The following CSMD3 variants were observed in gnomAD, a reference collection of about 807,000 sequenced individuals.
CSMD3 encodes CUB and sushi domain-containing protein 3.
In CSMD3, 177 loss-of-function variants were observed where a neutral mutation model predicts 435.2. The ratio of observed to expected loss-of-function variants is 0.41; its 90% CI spans 0.36 to 0.46. The LOEUF is 0.46. Among genes scored for constraint, CSMD3 ranks in the 20% least tolerant of loss-of-function variants. The pLI, the probability that CSMD3 is intolerant of heterozygous loss-of-function variation, is 0.34. For synonymous variants in CSMD3, 1,656 were observed against 1,520.5 expected (o/e 1.09, Z -2.07); for missense variants, 4,265 against 4,504.6 (o/e 0.95, Z 1.52).
chr8:113,033,308 G>A (rs2087199292), intron 5 of CSMD3, among the ~76,000 whole-genome samples: 1 of 151,614 alleles, frequency 6.6e-6, no homozygotes, highest in Admixed American at 6.6e-5. Flanking sequence ...GCAGCCGCAG[G>A]GGCTGTACCC....
chr8:113,290,531 G>A (rs2093679091), intron 2 of CSMD3, among the ~76,000 whole-genome samples: 1 of 151,590 alleles, frequency 6.6e-6, no homozygotes, highest in Admixed American at 6.6e-5. Flanking sequence ...ACTGCCCTCT[G>A]AGATGATTAT....
At chr8:112,896,733 C>G (rs924301771) in intron 10 of CSMD3, among the ~76,000 whole-genome samples, 1 of 151,456 alleles carries the variant, frequency 6.6e-6, no homozygotes, top group African/African-American at 2.4e-5. Flanking sequence ...TTCCATTACA[C>G]TTTCCACTTA....
intron 10 of CSMD3, among the ~76,000 whole-genome samples, chr8:112,896,845 C>T (rs1195331532): frequency 6.6e-6 from 1 of 151,498 alleles, no homozygotes; most frequent in African/African-American, 2.4e-5. Context: ...CTTCTCATTG[C>T]TCTTAGAATA....
Position 113,278,201 on chromosome 8 carries a change from T to G in CSMD3, c.514+391A>C, listed in dbSNP as rs993433147. Among the ~76,000 whole-genome samples, 18 of 151,942 alleles carry G rather than the reference T, an allele frequency of 1.2e-4. No homozygotes were observed. In the South Asian group the frequency reaches 3.5e-3, roughly 30 times the overall value. On this transcript the variant is annotated intron_variant, in intron 3 of 70. Transcript: ENST00000297405. ...GAGTAGATGTCAACTCTTGTCTCTT[T>G]CTGAACTTCTTCTCTTGACTCTAAC...
At chr8:113,310,401 C>T (rs1448926116) in intron 2 of CSMD3, 1 of 151,418 alleles carries the variant, frequency 6.6e-6, no homozygotes, top group Non-Finnish European at 1.5e-5. Flanking sequence ...CTTATTTGTG[C>T]AGAAAAAACA....
At chr8:112,390,472 C>A (rs1479121508) in intron 36 of CSMD3, among the ~76,000 whole-genome samples, 192 bp downstream of exon 36, 1 of 152,056 alleles carries the variant, frequency 6.6e-6, no homozygotes, top group East Asian at 1.9e-4. Context: ...TTTTGTATTG[C>A]TTATGCCATC....
intron 64 of CSMD3, among the ~76,000 whole-genome samples, chr8:112,244,858 A>G (rs1814557618): frequency 6.6e-6 from 1 of 152,106 alleles, no homozygotes; most frequent in Admixed American, 6.6e-5. Flanking sequence ...TCAGAAATGT[A>G]TGCTTTACCA....
intron 45 of CSMD3, 117 bp from the exon 46 acceptor site, chr8:112,320,098 T>C: frequency 1.4e-6 from 1 of 691,154 alleles, no homozygotes; most frequent in Non-Finnish European, 2.6e-6. Context: ...AATTACATAA[T>C]TTATCAAGTG....
chr8:112,449,453 A>G (rs1429129328), intron 32 of CSMD3, among the ~76,000 whole-genome samples: 1 of 151,988 alleles, frequency 6.6e-6, no homozygotes, highest in African/African-American at 2.4e-5. Flanking sequence ...CATTGACAGG[A>G]GCCTGATGAT....
intron 45 of CSMD3, among the ~76,000 whole-genome samples, chr8:112,322,182 T>A (rs1360647123): frequency 6.6e-6 from 1 of 152,102 alleles, no homozygotes; most frequent in Non-Finnish European, 1.5e-5. Flanking sequence ...TTCATGCTAA[T>A]CCTAAATTGT....
intron 13 of CSMD3, among the ~76,000 whole-genome samples, chr8:112,785,771 C>T (rs1187630304): frequency 6.6e-6 from 1 of 151,652 alleles, no homozygotes; most frequent in Admixed American, 6.6e-5. Context: ...AACATTTACG[C>T]AAGACATTTA....
intron 59 of CSMD3, among the ~76,000 whole-genome samples, chr8:112,275,965 C>A (rs1817999747): frequency 6.6e-6 from 1 of 152,142 alleles, no homozygotes; most frequent in Non-Finnish European, 1.5e-5. Context: ...TCAGTATTAA[C>A]TCAAAAGTCC....
intron 27 of CSMD3, among the ~76,000 whole-genome samples, chr8:112,547,815 A>G (rs1276271098): frequency 6.6e-6 from 1 of 152,098 alleles, no homozygotes; most frequent in Non-Finnish European, 1.5e-5. Context: ...TGAAATTAAG[A>G]GTTGCTTGAG....
rs1052133499 is a variant in CSMD3, at chr8:113,046,216, C to G, written c.918-27037G>C. 6.1e-5 allele frequency among the ~76,000 whole-genome samples: 9 copies of G among 148,628 alleles called. 1 individual carries two copies. Among genetic ancestry groups the G allele is most frequent in the African/African-American group, 2.2e-4 (9 of 41,128 alleles). Reference sequence around the variant, plus strand: ...AGGCTGACGCCAACCACACGAGGTGCGACCCCAGGTGTGTGAGGGAAAGGC... The same window carrying G: ...AGGCTGACGCCAACCACACGAGGTGGGACCCCAGGTGTGTGAGGGAAAGGC... On this transcript the variant is annotated intron_variant, in intron 5 of 70. Transcript: ENST00000297405.
intron 2 of CSMD3, among the ~76,000 whole-genome samples, chr8:113,308,209 C>T (rs1160531457): frequency 2.1e-5 from 3 of 140,136 alleles, no homozygotes; most frequent in African/African-American, 7.9e-5. Flanking sequence ...TGTAGCAACA[C>T]ATTAATTTTT....
chr8:112,571,597 G>A (rs1359759055), intron 24 of CSMD3, among the ~76,000 whole-genome samples: 1 of 151,810 alleles, frequency 6.6e-6, no homozygotes, highest in Non-Finnish European at 1.5e-5. Flanking sequence ...GGCTGGGCAT[G>A]GTGGCTAATG....
At chr8:112,805,586 A>G (rs564208206) in intron 12 of CSMD3, among the ~76,000 whole-genome samples, 1 of 152,362 alleles carries the variant, frequency 6.6e-6, no homozygotes, top group Non-Finnish European at 1.5e-5. Flanking sequence ...TGACCTGTGT[A>G]CAAGATCTTA....
intron 4 of CSMD3, among the ~76,000 whole-genome samples, chr8:113,124,216 A>G (rs1234164285): frequency 6.6e-6 from 1 of 152,024 alleles, no homozygotes; most frequent in Non-Finnish European, 1.5e-5. Flanking sequence ...GGGTAAGGAT[A>G]AGGATGGTGT....
chr8:113,352,614 C>T (rs2094197390), intron 1 of CSMD3, among the ~76,000 whole-genome samples: 1 of 152,106 alleles, frequency 6.6e-6, no homozygotes, highest in South Asian at 2.1e-4. Context: ...TAGCTGTTTA[C>T]AGTAATTAAC....
Sources: allele counts gnomAD v4.1 joint callset (sites outside exome capture counted in the v4.1 genomes callset), GRCh38; gene constraint gnomAD v4.1.1; transcripts MANE v1.5; gene names NCBI Gene and HGNC (gene_info 2026-07-23, HGNC 2026-07-21).